Variants in RGS7 observed in about 807,000 individuals in gnomAD.
RGS7 encodes regulator of G protein signaling 7.
A neutral mutation model predicts 81.1 loss-of-function variants in RGS7; 27 were observed. That is an observed-to-expected ratio of 0.33 (90% CI 0.25 to 0.46). The LOEUF (loss-of-function observed/expected upper bound fraction) is 0.46. RGS7 is among the 20% of genes least tolerant of loss of function. RGS7 has a pLI of 1.00. For missense variants in RGS7, 396 were observed against 607.4 expected (o/e 0.65, Z 3.66); for synonymous variants, 208 against 207.7 (o/e 1.00, Z -0.01).
intron 2 of RGS7, among the ~76,000 whole-genome samples, chr1:241,294,894 T>C (rs2148469312): frequency 1.3e-5 from 2 of 152,308 alleles, no homozygotes; most frequent in South Asian, 4.1e-4. Flanking sequence ...GTACACGCTA[T>C]GGTGTTAGTC....
At chr1:240,937,041 C>T (rs902852480) in intron 4 of RGS7, among the ~76,000 whole-genome samples, 34 of 152,172 alleles carry the variant, frequency 2.2e-4, no homozygotes, top group African/African-American at 8.2e-4. Context: ...CACTTCCTGC[C>T]TTTGCCGTGC....
intron 6 of RGS7, among the ~76,000 whole-genome samples, chr1:240,912,281 G>A (rs909717070): frequency 9.2e-5 from 14 of 151,654 alleles, no homozygotes; most frequent in African/African-American, 3.1e-4. Flanking sequence ...AATGTAGTTG[G>A]ACAAGCAGGA....
chr1:240,988,443 T>C (rs1434885550), intron 3 of RGS7, among the ~76,000 whole-genome samples: 1 of 152,132 alleles, frequency 6.6e-6, no homozygotes, highest in African/African-American at 2.4e-5. Flanking sequence ...TCAGTTTAAG[T>C]TAAAACACTG....
intron 18 of RGS7, among the ~76,000 whole-genome samples, chr1:240,799,741 G>A (rs1238386445): frequency 6.6e-6 from 1 of 152,148 alleles, no homozygotes; most frequent in Non-Finnish European, 1.5e-5. Flanking sequence ...TCAAAGGGTT[G>A]GACATGGCTG....
At position 240,815,119 on chromosome 1, in the gene RGS7, C is replaced by T. The variant is rs554898073; in HGVS notation, c.784-342G>A. 5.9e-5 allele frequency among the ~76,000 whole-genome samples: 9 copies of T among 152,252 alleles called. No homozygotes were observed. The South Asian group carries it at 1.7e-3, about 28-fold the overall frequency. The stretch of plus-strand genomic sequence containing the variant: ...TTGGGAGGTCAAGGTGGGTGGATCA[C>T]TTGAGCCCAGGAATTCGAGACCAGC... On this transcript the variant is annotated intron_variant, in intron 11 of 18. Transcript: ENST00000440928.
At chr1:241,223,143 T>A (rs1388985416) in intron 2 of RGS7, among the ~76,000 whole-genome samples, 1 of 152,178 alleles carries the variant, frequency 6.6e-6, no homozygotes, top group Non-Finnish European at 1.5e-5. Context: ...CCACTATAAT[T>A]GAGAACCACT....
chr1:240,980,588 G>A (rs1684767785), intron 4 of RGS7, among the ~76,000 whole-genome samples: 1 of 152,074 alleles, frequency 6.6e-6, no homozygotes, highest in Non-Finnish European at 1.5e-5. Context: ...GTTTCAAAAG[G>A]CATGATTGGT....
chr1:241,048,498 T>C (rs965473940), intron 3 of RGS7, among the ~76,000 whole-genome samples: 3 of 152,156 alleles, frequency 2.0e-5, no homozygotes, highest in Admixed American at 1.3e-4. Flanking sequence ...CCACAGGCCA[T>C]GGTGTCACTG....
chr1:241,033,171 T>C (rs1026889879), intron 3 of RGS7, among the ~76,000 whole-genome samples: 2 of 152,110 alleles, frequency 1.3e-5, no homozygotes, highest in African/African-American at 4.8e-5. Flanking sequence ...GCCAACATGG[T>C]GAAACCCCAT....
chr1:241,352,105 C>T (rs1163935996), intron 2 of RGS7, among the ~76,000 whole-genome samples: 1 of 152,176 alleles, frequency 6.6e-6, no homozygotes, highest in Non-Finnish European at 1.5e-5. Context: ...TTCTTTACGG[C>T]CAGTGCTGCC....
intron 3 of RGS7, among the ~76,000 whole-genome samples, chr1:241,062,930 C>T (rs1422429153): frequency 6.6e-6 from 1 of 152,166 alleles, no homozygotes; most frequent in African/African-American, 2.4e-5. Context: ...TCAAGTTTCC[C>T]CTTCCCGCAA....
At position 241,116,585 on chromosome 1, in the gene RGS7, G is replaced by A. The variant is rs115265542; in HGVS notation, c.79-17823C>T. ...GACTCCAAACTTATGAAAAAAAGAG[G>A]GTGACAGACAACAGTTCATATACTA... is the stretch of plus-strand genomic sequence containing the variant. On this transcript the variant is annotated intron_variant, in intron 2 of 18. Coordinates refer to ENST00000440928, the MANE Select transcript of RGS7 (RefSeq NM_001364886.1). Among the ~76,000 whole-genome samples, 1,015 of 152,078 alleles carry A rather than the reference G, an allele frequency of 6.7e-3. 7 individuals are homozygous for A. Among genetic ancestry groups the A allele is most frequent in the African/African-American group, 0.023 (971 of 41,496 alleles).
At chr1:241,304,431 A>G (rs1025020965) in intron 2 of RGS7, among the ~76,000 whole-genome samples, 1 of 152,232 alleles carries the variant, frequency 6.6e-6, no homozygotes, top group Non-Finnish European at 1.5e-5. Flanking sequence ...CGCACAGCCA[A>G]CAGCAGTTGT....
chr1:240,916,697 A>G (rs1036599777), intron 6 of RGS7, among the ~76,000 whole-genome samples: 7 of 152,230 alleles, frequency 4.6e-5, no homozygotes, highest in Non-Finnish European at 4.4e-5. Flanking sequence ...GGACACGGGA[A>G]GGTGGCCTTC....
intron 2 of RGS7, among the ~76,000 whole-genome samples, chr1:241,165,627 T>C (rs1369993554): frequency 9.2e-5 from 10 of 108,430 alleles, no homozygotes; most frequent in Non-Finnish European, 1.7e-4. Context: ...CTGGCGATTG[T>C]TGTGGGGTAG....
intron 3 of RGS7, among the ~76,000 whole-genome samples, chr1:241,066,354 G>A (rs1274407095): frequency 1.3e-5 from 2 of 152,166 alleles, no homozygotes; most frequent in Non-Finnish European, 2.9e-5. Context: ...GAAGAAAGGT[G>A]ACCCTTCCAG....
rs141767415 is a variant in RGS7 at position 241,123,160 on chromosome 1, G to A, written c.79-24398C>T. ...GACTTGCCCCAGAGCCTGCCCTGCT[G>A]CAGACCCCAGGTCCTTAGCCTCAGC... On this transcript the variant is annotated intron_variant, in intron 2 of 18. Coordinates refer to ENST00000440928, the MANE Select transcript of RGS7 (RefSeq NM_001364886.1). Among the ~76,000 whole-genome samples, 347 of 152,286 alleles carry A rather than the reference G, an allele frequency of 2.3e-3. 2 individuals carry two copies. Among genetic ancestry groups the A allele is most frequent in the Middle Eastern group, 6.8e-3 (2 of 294 alleles).
At chr1:241,133,051 T>C (rs534736998) in intron 2 of RGS7, among the ~76,000 whole-genome samples, 1 of 152,294 alleles carries the variant, frequency 6.6e-6, no homozygotes, top group East Asian at 1.9e-4. Flanking sequence ...CCTGAGCCAC[T>C]GCGCCCGGCA....
intron 2 of RGS7, among the ~76,000 whole-genome samples, chr1:241,321,726 T>A (rs959295429): frequency 8.5e-5 from 13 of 152,164 alleles, no homozygotes; most frequent in African/African-American, 3.1e-4. Flanking sequence ...TAACCATAAT[T>A]CTAAATAACC....
Sources: allele counts gnomAD v4.1 joint callset (sites outside exome capture counted in the v4.1 genomes callset), GRCh38; gene constraint gnomAD v4.1.1; transcripts MANE v1.5; gene names NCBI Gene and HGNC (gene_info 2026-07-23, HGNC 2026-07-21).